Variants in ADAMTS6 observed in about 807,000 individuals in gnomAD.
The protein encoded by ADAMTS6 is A disintegrin and metalloproteinase with thrombospondin motifs 6.
ADAMTS6 carries 23 observed loss-of-function variants against 144.3 expected under a neutral mutation model. That is an observed-to-expected ratio of 0.16 (90% confidence interval 0.11 to 0.23). The LOEUF (loss-of-function observed/expected upper bound fraction) is 0.23. ADAMTS6 is among the 10% of genes least tolerant of loss of function. The pLI is 1.00. For synonymous variants in ADAMTS6, 444 were observed against 457.5 expected (o/e 0.97, Z 0.38); for missense variants, 999 against 1,379.6 (o/e 0.72, Z 4.37).
chr5:65,388,152 T>A (rs1580570015), intron 7 of ADAMTS6, among the ~76,000 whole-genome samples: 1 of 152,172 alleles, frequency 6.6e-6, no homozygotes, highest in East Asian at 1.9e-4. Flanking sequence ...AGAGTTGCGG[T>A]GAGCCAAGAT....
intron 9 of ADAMTS6, among the ~76,000 whole-genome samples, chr5:65,322,561 G>GTTTTT (rs3049530): frequency 1.7e-5 from 2 of 118,416 alleles, no homozygotes; most frequent in African/African-American, 3.2e-5. Flanking sequence ...GTGGTATGTA[G>GTTTTT]TTTTTTTTTT....
chr5:65,340,564 A>AT (rs1747724135), intron 7 of ADAMTS6, among the ~76,000 whole-genome samples: 1 of 152,098 alleles, frequency 6.6e-6, no homozygotes, highest in East Asian at 1.9e-4. Flanking sequence ...GATAAACCAA[A>AT]TAACTGGAAA....
intron 7 of ADAMTS6, among the ~76,000 whole-genome samples, chr5:65,352,308 T>C (rs1748929738): frequency 1.3e-5 from 2 of 152,064 alleles, no homozygotes; most frequent in South Asian, 2.1e-4. Context: ...TTCTTACCCA[T>C]AGAGAAGTAA....
intron 18 of ADAMTS6, among the ~76,000 whole-genome samples, chr5:65,218,259 G>A (rs1757073034): frequency 6.6e-6 from 1 of 152,166 alleles, no homozygotes; most frequent in Non-Finnish European, 1.5e-5. Flanking sequence ...GCTTTTGCAG[G>A]AGGGCTGAGC....
chr5:65,215,252 A>C (rs1042099015), intron 19 of ADAMTS6, 72 bp downstream of exon 19: 1 of 1,496,996 alleles, frequency 6.7e-7, no homozygotes, highest in Non-Finnish European at 9.1e-7. Context: ...CAGAGATAAT[A>C]AAACCTGCCC....
At chr5:65,217,807 G>C (rs1373055123) in intron 18 of ADAMTS6, among the ~76,000 whole-genome samples, 1 of 152,108 alleles carries the variant, frequency 6.6e-6, no homozygotes, top group Non-Finnish European at 1.5e-5. Context: ...TATCTCAAAG[G>C]ATTAAACATC....
intron 24 of ADAMTS6, among the ~76,000 whole-genome samples, chr5:65,153,901 C>G (rs1449290039): frequency 6.6e-6 from 1 of 152,140 alleles, no homozygotes; most frequent in African/African-American, 2.4e-5. Flanking sequence ...TACCCACCCA[C>G]CCATTAAGGC....
rs115240552 is a variant in ADAMTS6 at position 65,150,921 on chromosome 5, G to T, written c.*915C>A. ...GTGGCTGGGGAGGATGTAAACACAAGTGAGTTGGAGGGACTCAAATAAGAA... is the reference window on the plus strand; with the variant it reads ...GTGGCTGGGGAGGATGTAAACACAATTGAGTTGGAGGGACTCAAATAAGAA... On this transcript the variant is annotated 3_prime_UTR_variant, in exon 25 of 25. Coordinates refer to ENST00000381055, the MANE Select transcript of ADAMTS6 (RefSeq NM_197941.4). 5.7e-3 allele frequency: 871 copies of T among 152,854 alleles called. 5 individuals carry two copies. The highest frequency in any genetic ancestry group is 8.8e-3 in the Non-Finnish European group (602 of 68,088). 9.5% of individuals were successfully genotyped at this position (152,854 alleles called of 1,614,324 possible).
intron 20 of ADAMTS6, 72 bp from the exon 21 acceptor site, chr5:65,197,223 C>A: frequency 6.6e-7 from 1 of 1,522,552 alleles, no homozygotes; most frequent in Admixed American, 1.8e-5. Context: ...CATAGCTTTC[C>A]TCTGTGGGGA....
chr5:65,450,354 C>T lies in ADAMTS6; in HGVS notation c.1073+1121G>A, dbSNP rs768152518. The stretch of plus-strand genomic sequence containing the variant: ...AATTTCACTGTATGACTCAGTTACC[C>T]GGGAACTTTTTCTAAAGTTTACATT... On this transcript the variant is annotated intron_variant, in intron 7 of 24. Transcript: ENST00000381055. 1.7e-4 allele frequency among the ~76,000 whole-genome samples: 26 copies of T among 152,146 alleles called. 1 individual carries two copies. Among genetic ancestry groups the T allele is most frequent in the Middle Eastern group, 3.4e-3 (1 of 294 alleles).
intron 11 of ADAMTS6, among the ~76,000 whole-genome samples, chr5:65,277,961 T>C (rs1053000330): frequency 2.0e-5 from 3 of 152,194 alleles, no homozygotes; most frequent in Non-Finnish European, 1.5e-5. Context: ...GTAACTAATA[T>C]GTAGTTTACC....
intron 21 of ADAMTS6, among the ~76,000 whole-genome samples, chr5:65,193,292 A>G (rs1470565273): frequency 6.6e-6 from 1 of 152,030 alleles, no homozygotes; most frequent in African/African-American, 2.4e-5. Context: ...ACAAACTAGG[A>G]AAAAATATTC....
intron 20 of ADAMTS6, among the ~76,000 whole-genome samples, chr5:65,206,686 C>G (rs993576311): frequency 1.5e-4 from 19 of 126,460 alleles, no homozygotes; most frequent in African/African-American, 5.8e-4. Context: ...GGCAACAGAG[C>G]CAGACTCCAT....
intron 21 of ADAMTS6, among the ~76,000 whole-genome samples, chr5:65,194,618 C>G (rs1398334404): frequency 6.6e-6 from 1 of 152,116 alleles, no homozygotes; most frequent in East Asian, 1.9e-4. Context: ...TTTCCATAGT[C>G]TGAATTCAAA....
intron 13 of ADAMTS6, among the ~76,000 whole-genome samples, chr5:65,261,206 A>C (rs1268226478): frequency 6.6e-6 from 1 of 152,172 alleles, no homozygotes; most frequent in Non-Finnish European, 1.5e-5. Flanking sequence ...ATGAAGTTTA[A>C]AAATTTAAAT....
At chr5:65,360,641 T>C (rs1749738301) in intron 7 of ADAMTS6, among the ~76,000 whole-genome samples, 2 of 152,058 alleles carry the variant, frequency 1.3e-5, no homozygotes, top group African/African-American at 4.8e-5. Flanking sequence ...AAAAAATTAA[T>C]GAAATTGTAG....
At chr5:65,283,340 A>G (rs1763128754) in intron 11 of ADAMTS6, among the ~76,000 whole-genome samples, 1 of 152,128 alleles carries the variant, frequency 6.6e-6, no homozygotes, top group South Asian at 2.1e-4. Flanking sequence ...TTTAAGTACA[A>G]CAGATCCTAG....
At chr5:65,236,487 A>C (rs1758679275) in intron 15 of ADAMTS6, among the ~76,000 whole-genome samples, 1 of 152,052 alleles carries the variant, frequency 6.6e-6, no homozygotes, top group African/African-American at 2.4e-5. Flanking sequence ...AGGTCTCACT[A>C]TGTTGCCCAG....
intron 22 of ADAMTS6, among the ~76,000 whole-genome samples, chr5:65,182,443 CAA>C (rs1216237939): frequency 5.7e-4 from 32 of 56,470 alleles, no homozygotes; most frequent in African/African-American, 5.3e-4. Context: ...GACTCCATCT[CAA>C]AAAAAAAAAA....
Sources: allele counts gnomAD v4.1 joint callset (sites outside exome capture counted in the v4.1 genomes callset), GRCh38; gene constraint gnomAD v4.1.1; transcripts MANE v1.5; gene names NCBI Gene and HGNC (gene_info 2026-07-23, HGNC 2026-07-21).